CACNB4: variants seen among roughly 807,000 people sequenced by gnomAD.
CACNB4 encodes calcium voltage-gated channel auxiliary subunit beta 4, also known as voltage-dependent L-type calcium channel subunit beta-4.
CACNB4 carries 32 observed loss-of-function variants against 71.2 expected under a neutral mutation model. That is an observed-to-expected ratio of 0.45 (90% CI 0.34 to 0.60). The LOEUF (loss-of-function observed/expected upper bound fraction) is 0.60. CACNB4 is among the 20% of genes least tolerant of loss of function. The pLI is 0.01. For synonymous variants in CACNB4, 231 were observed against 236.9 expected (o/e 0.97, Z 0.23); for missense variants, 464 against 647.9 (o/e 0.72, Z 3.08).
chr2:152,020,372 C>G (rs2105121181), intron 2 of CACNB4, among the ~76,000 whole-genome samples: 1 of 152,196 alleles, frequency 6.6e-6, no homozygotes, highest in South Asian at 2.1e-4. Flanking sequence ...CTAAAGGCTT[C>G]CAATTTGGCA....
intron 2 of CACNB4, among the ~76,000 whole-genome samples, chr2:152,014,311 C>T (rs572723650): frequency 6.6e-5 from 10 of 152,300 alleles, no homozygotes; most frequent in Admixed American, 2.0e-4. Context: ...CACACCACTG[C>T]GCTCCAGCCT....
chr2:152,026,092 G>A (rs536689209), intron 2 of CACNB4, among the ~76,000 whole-genome samples: 1 of 152,288 alleles, frequency 6.6e-6, no homozygotes, highest in East Asian at 1.9e-4. Flanking sequence ...TGTCCACAGA[G>A]CTTCCTAGGA....
At chr2:151,919,638 A>T (rs960055645) in intron 2 of CACNB4, among the ~76,000 whole-genome samples, 11 of 152,060 alleles carry the variant, frequency 7.2e-5, no homozygotes, top group African/African-American at 2.7e-4. Context: ...TCAAATGTCT[A>T]CTTAGGCTCC....
intron 2 of CACNB4, among the ~76,000 whole-genome samples, chr2:151,923,251 G>A (rs777321903): frequency 6.6e-6 from 1 of 152,182 alleles, no homozygotes; most frequent in Non-Finnish European, 1.5e-5. Context: ...TTCTGAAACT[G>A]GGTCCAACAC....
chr2:151,860,684 AAGAAG>A (rs1559880720), intron 10 of CACNB4, 22 bp downstream of exon 10: 1 of 1,448,544 alleles, frequency 6.9e-7, no homozygotes, highest in Admixed American at 1.7e-5. Context: ...GCACAGCTTG[AAGAAG>A]TACCACATTT....
intron 2 of CACNB4, among the ~76,000 whole-genome samples, chr2:151,900,987 CTTTCTTTTTT>C (rs2099853259): frequency 3.4e-5 from 3 of 88,722 alleles, no homozygotes; most frequent in Non-Finnish European, 6.9e-5. Context: ...TTCTTTCTTT[CTTTCTTTTTT>C]TTTTTTTTTT....
intron 2 of CACNB4, among the ~76,000 whole-genome samples, chr2:152,048,106 G>A (rs1022111929): frequency 6.6e-6 from 1 of 152,100 alleles, no homozygotes; most frequent in Non-Finnish European, 1.5e-5. Context: ...TGCTGACATC[G>A]TGGACCAGAT....
chr2:151,901,048 C>T (rs2099853294), intron 2 of CACNB4, among the ~76,000 whole-genome samples: 1 of 135,496 alleles, frequency 7.4e-6, no homozygotes, highest in African/African-American at 2.9e-5. Flanking sequence ...GGCTGAAATG[C>T]AGTGGTGCAA....
intron 2 of CACNB4, among the ~76,000 whole-genome samples, chr2:152,054,365 CAAAAAAAAAAA>C (rs34291036): frequency 1.2e-5 from 1 of 85,182 alleles, no homozygotes; most frequent in African/African-American, 4.6e-5. Context: ...AACTCCGTCT[CAAAAAAAAAAA>C]AAAAAAAAAA....
At chr2:152,009,802 C>G (rs1334916324) in intron 2 of CACNB4, among the ~76,000 whole-genome samples, 1 of 152,162 alleles carries the variant, frequency 6.6e-6, no homozygotes, top group East Asian at 1.9e-4. Flanking sequence ...AGTTTGGCCT[C>G]CCTCTGCGGG....
intron 2 of CACNB4, among the ~76,000 whole-genome samples, chr2:151,912,269 T>A (rs549350718): frequency 3.3e-5 from 5 of 152,346 alleles, no homozygotes; most frequent in African/African-American, 9.6e-5. Context: ...AGGGTGTTGA[T>A]GTGAGATCTT....
At chr2:152,001,081 C>T (rs899088912) in intron 2 of CACNB4, among the ~76,000 whole-genome samples, 2 of 152,194 alleles carry the variant, frequency 1.3e-5, no homozygotes, top group Admixed American at 6.5e-5. Flanking sequence ...GAGGCAGGTA[C>T]CATTAGGATT....
At chr2:152,001,422 C>T (rs12611723) in intron 2 of CACNB4, among the ~76,000 whole-genome samples, 22 of 145,362 alleles carry the variant, frequency 1.5e-4, no homozygotes, top group African/African-American at 2.5e-4. Context: ...GGCACGGTGG[C>T]GCATGCCTGT....
intron 2 of CACNB4, among the ~76,000 whole-genome samples, chr2:152,020,280 T>C (rs1316534609): frequency 6.6e-6 from 1 of 152,164 alleles, no homozygotes; most frequent in Non-Finnish European, 1.5e-5. Flanking sequence ...GGGATCAAGA[T>C]GGTGGGTGGC....
intron 2 of CACNB4, among the ~76,000 whole-genome samples, chr2:152,069,446 T>C (rs1048606395): frequency 1.3e-5 from 2 of 151,146 alleles, no homozygotes; most frequent in African/African-American, 4.9e-5. Context: ...CATCACCAGA[T>C]ACTCACCCCC....
Position 151,833,206 on chromosome 2 carries a change from A to G in CACNB4, c.*5913T>C, listed in dbSNP as rs906636213. 6.6e-6 allele frequency: 1 copy of G among 152,192 alleles called. No homozygotes were observed. The highest frequency in any genetic ancestry group is 2.4e-5 in the African/African-American group (1 of 41,470). 9.4% of individuals were successfully genotyped at this position (152,192 alleles called of 1,614,324 possible). On this transcript the variant is annotated 3_prime_UTR_variant, in exon 14 of 14. Coordinates refer to ENST00000539935, the MANE Select transcript of CACNB4 (RefSeq NM_000726.5). The stretch of plus-strand genomic sequence containing the variant: ...TCAGAATAGTAGGAAAAATCTTTTT[A>G]CATCATTTTGCCATATTTCTGTTTT...
rs150200674 is a variant in CACNB4 at position 152,058,268 on chromosome 2, C to T, written c.147+40062G>A. Reference sequence around the variant, plus strand: ...ACAGACTAATACAGTAAATTGGTACCGCAAAGAGGGGGGTACTGCTATAAA... The same window carrying T: ...ACAGACTAATACAGTAAATTGGTACTGCAAAGAGGGGGGTACTGCTATAAA... On this transcript the variant is annotated intron_variant, in intron 2 of 13. Transcript: ENST00000539935. Among the ~76,000 whole-genome samples the T allele has an allele frequency of 1.1e-3, 173 of 152,176 alleles. 2 individuals are homozygous for T. Among genetic ancestry groups the T allele is most frequent in the African/African-American group, 3.7e-3 (154 of 41,492 alleles).
At position 151,841,920 on chromosome 2, in the gene CACNB4, C is replaced by T; in HGVS notation, c.1285G>A (p.Ala429Thr). 6.2e-7 allele frequency: 1 copy of T among 1,613,672 alleles called. No individual in the cohort carries two copies. Among genetic ancestry groups the T allele is most frequent in the Non-Finnish European group, 8.5e-7 (1 of 1,179,790 alleles). ...GACAATACCTGTAACCCAGAAATTG[C>T]TGTGGGATATGGTGAGAGTGCCGTG... ...GSTALSPYPT[A>T]ISGLQSQRMR... is the part of the protein sequence containing the mutation. Residue 429 changes from alanine to threonine, a missense_variant, in exon 13 of 14, where the codon GCA becomes ACA. Around this residue, in one of 3 missense-constraint regions of CACNB4, gnomAD observed 115 missense variants for 128.8 expected, o/e 0.89. Coordinates refer to ENST00000539935, the MANE Select transcript of CACNB4 (RefSeq NM_000726.5).
At position 152,092,296 on chromosome 2, in the gene CACNB4, C is replaced by T. The variant is rs78934835; in HGVS notation, c.147+6034G>A. ...GCATATGATTATTCTTAGAGCTATGCGCAAAGCATATACCTTCTGTTGATG... is the reference window on the plus strand; with the variant it reads ...GCATATGATTATTCTTAGAGCTATGTGCAAAGCATATACCTTCTGTTGATG... On this transcript the variant is annotated intron_variant, in intron 2 of 13. Transcript: ENST00000539935. Among the ~76,000 whole-genome samples, 7 of 152,342 alleles carry T rather than the reference C, an allele frequency of 4.6e-5. No homozygotes were observed. In the East Asian group the frequency reaches 1.2e-3, roughly 25 times the overall value.
Sources: allele counts gnomAD v4.1 joint callset (sites outside exome capture counted in the v4.1 genomes callset), GRCh38; gene constraint gnomAD v4.1.1; regional missense constraint gnomAD v4.1.1; transcripts MANE v1.5; gene names NCBI Gene and HGNC (gene_info 2026-07-23, HGNC 2026-07-21).